Variants in SGTA observed in about 807,000 individuals in gnomAD.
The protein encoded by SGTA is small glutamine rich tetratricopeptide repeat co-chaperone alpha, also known as small glutamine-rich tetratricopeptide repeat-containing protein alpha.
A neutral mutation model predicts 44.3 loss-of-function variants in SGTA; 22 were observed. That is an observed-to-expected ratio of 0.50 (90% CI 0.36 to 0.71). The LOEUF is 0.71. Ranked by LOEUF, SGTA falls within the 30% of genes least tolerant of loss-of-function variation. The probability of loss-of-function intolerance (pLI) is 0.00; values close to 1 mark genes in which losing one functional copy is unlikely to be tolerated. For synonymous variants in SGTA, 174 were observed against 177.6 expected (o/e 0.98, Z 0.16); for missense variants, 341 against 435.9 (o/e 0.78, Z 1.94).
At chr19:2,771,579 G>C (rs1411335229) in intron 1 of SGTA, among the ~76,000 whole-genome samples, 1 of 151,808 alleles carries the variant, frequency 6.6e-6, no homozygotes, top group South Asian at 2.1e-4. Context: ...CCCCATCGGG[G>C]GGGGGGGGAG....
intron 10 of SGTA, 93 bp from the exon 11 acceptor site, chr19:2,757,550 A>G (rs573243742): frequency 3.9e-6 from 6 of 1,528,236 alleles, no homozygotes; most frequent in Non-Finnish European, 5.3e-6. Flanking sequence ...CCTCCACCCC[A>G]AAGACAGGCC....
chr19:2,779,049 C>A (rs1235008759), intron 1 of SGTA, among the ~76,000 whole-genome samples: 1 of 152,302 alleles, frequency 6.6e-6, no homozygotes, highest in South Asian at 2.1e-4. Context: ...CTGGCTCCCC[C>A]CACTGCACAC....
At chr19:2,780,783 C>T (rs945531461) in intron 1 of SGTA, among the ~76,000 whole-genome samples, 2 of 152,194 alleles carry the variant, frequency 1.3e-5, no homozygotes, top group Non-Finnish European at 2.9e-5. Flanking sequence ...TCTCTGTTTC[C>T]ACCTCAGTAA....
At chr19:2,756,404 C>T (rs1191307692) in intron 11 of SGTA, among the ~76,000 whole-genome samples, 5 of 148,444 alleles carry the variant, frequency 3.4e-5, no homozygotes, top group Non-Finnish European at 4.4e-5. Flanking sequence ...TGCAGTGAGA[C>T]GTGACTGCAC....
chr19:2,773,572 A>T lies in SGTA; in HGVS notation c.-23-4481T>A, dbSNP rs374931700. ...GGTGACGCGGCCACACGGCAGGGAC[A>T]CCGAGGGCAGAGGTGGGTGACACGG... On this transcript the variant is annotated intron_variant, in intron 1 of 11. Coordinates refer to ENST00000221566, the MANE Select transcript of SGTA (RefSeq NM_003021.4). Among the ~76,000 whole-genome samples, 9 of 21,824 alleles carry T rather than the reference A, an allele frequency of 4.1e-4. No individual in the cohort carries two copies. In the African/African-American group the frequency reaches 4.7e-3, roughly 11 times the overall value. 14.3% of individuals were successfully genotyped at this position (21,824 alleles called of 152,430 possible). A position where few individuals can be genotyped will look rare whatever the true frequency, so the allele number is the denominator to read the frequency against.
chr19:2,760,759 G>A (rs1914966807), intron 8 of SGTA, among the ~76,000 whole-genome samples: 1 of 152,120 alleles, frequency 6.6e-6, no homozygotes. Flanking sequence ...CTGCTGAATG[G>A]CACGACCCGG....
intron 1 of SGTA, among the ~76,000 whole-genome samples, chr19:2,778,904 T>G (rs1915506674): frequency 6.6e-6 from 1 of 152,228 alleles, no homozygotes. Flanking sequence ...AGAAGTTTAT[T>G]CTGCTGTCCA....
chr19:2,768,521 GC>G (rs1915213026), intron 2 of SGTA, among the ~76,000 whole-genome samples: 1 of 152,188 alleles, frequency 6.6e-6, no homozygotes, highest in Non-Finnish European at 1.5e-5. Context: ...AGAAGCGCAA[GC>G]AAGACCAGCC....
In SGTA at chr19:2,755,568, T is replaced by C. The variant is rs550050328; in HGVS notation, c.*372A>G. On this transcript the variant is annotated 3_prime_UTR_variant, in exon 12 of 12. Coordinates refer to ENST00000221566, the MANE Select transcript of SGTA (RefSeq NM_003021.4). The surrounding 1 kb of genome is among the most constrained non-coding windows in gnomAD (Gnocchi z 5.2). ...GGGGGGCGGGGGCTGTAAAAGGCTT[T>C]GGAAGCCACACGATCCGCCACACGG... is the stretch of plus-strand genomic sequence containing the variant. The C allele has an allele frequency of 9.1e-6, 9 of 985,826 alleles. No homozygotes were observed. Among genetic ancestry groups the C allele is most frequent in the South Asian group, 4.7e-5 (1 of 21,294 alleles). The allele number at this position is 985,826 out of a possible 1,614,324, so 61.1% of individuals were successfully genotyped here. A position where few individuals can be genotyped will look rare whatever the true frequency, so the allele number is the denominator to read the frequency against.
Position 2,761,461 on chromosome 19 carries a change from A to G in SGTA, c.698T>C (p.Met233Thr). The G allele has an allele frequency of 6.4e-7, 1 of 1,551,536 alleles. No homozygotes were observed. Among genetic ancestry groups the G allele is most frequent in the Non-Finnish European group, 8.7e-7 (1 of 1,146,888 alleles). The change falls in exon 8 of 12, where the codon ATG becomes ACG. Residue 233 changes from methionine to threonine, a missense_variant and splice_region_variant. By Grantham distance (81) the Met-to-Thr change is moderately conservative. Coordinates refer to ENST00000221566, the MANE Select transcript of SGTA (RefSeq NM_003021.4). This position sits in a 1 kb window ranked among gnomAD's most constrained non-coding sequence, Gnocchi z 5.7. ...GLLNNPGFMS[M>T]ASNLMNNPQI... Reference sequence around the variant, plus strand: ...CAGGGAGGAGGGGCGGGCCGTTACCATGCTCATGAAGCCAGGGTTGTTCAG... The same window carrying G: ...CAGGGAGGAGGGGCGGGCCGTTACCGTGCTCATGAAGCCAGGGTTGTTCAG...
chr19:2,760,848 G>A (rs751995498), intron 8 of SGTA, among the ~76,000 whole-genome samples: 3 of 152,200 alleles, frequency 2.0e-5, no homozygotes, highest in Non-Finnish European at 4.4e-5. Context: ...AGCCTTAGGC[G>A]AGTCCCTGTA....
At chr19:2,775,078 G>C (rs1306490047) in intron 1 of SGTA, among the ~76,000 whole-genome samples, 1 of 152,234 alleles carries the variant, frequency 6.6e-6, no homozygotes, top group Non-Finnish European at 1.5e-5. Context: ...GACTAGAAGA[G>C]GAGGACCTGA....
At chr19:2,772,539 T>G (rs989868097) in intron 1 of SGTA, among the ~76,000 whole-genome samples, 6 of 152,184 alleles carry the variant, frequency 3.9e-5, no homozygotes, top group Non-Finnish European at 8.8e-5. Flanking sequence ...AATACTGTCG[T>G]GTGCTGAACT....
rs542976430 is a variant in SGTA at position 2,761,701 on chromosome 19, G to A, written c.637-179C>T. Among the ~76,000 whole-genome samples the A allele has an allele frequency of 2.6e-4, 39 of 152,108 alleles. No homozygotes were observed. The highest frequency in any genetic ancestry group is 8.2e-4 in the African/African-American group (34 of 41,420). The stretch of plus-strand genomic sequence containing the variant: ...ATCGCAACCGCCCGGGGACGGCACA[G>A]TCTGTCATCCCGTGTTTATTCCCCG... On this transcript the variant is annotated intron_variant, in intron 7 of 11. Transcript: ENST00000221566. This position sits in a 1 kb window ranked among gnomAD's most constrained non-coding sequence, Gnocchi z 5.7.
At chr19:2,779,066 C>T (rs938852829) in intron 1 of SGTA, among the ~76,000 whole-genome samples, 12 of 152,186 alleles carry the variant, frequency 7.9e-5, no homozygotes, top group African/African-American at 2.7e-4. Flanking sequence ...ACACCAGAAA[C>T]ACTCTCCAGT....
Position 2,767,629 on chromosome 19 carries a change from G to A in SGTA, c.158C>T (p.Ala53Val), listed in dbSNP as rs780242378. Reference protein sequence around the residue: ...FGVTVEDSDLALPQTLPEIFE... With the variant: ...FGVTVEDSDLVLPQTLPEIFE... ...TATCTCCGGCAGAGTCTGAGGGAGCGCAAGGTCACTGTCTTCTACCGTCAC... is the reference window on the plus strand; with the variant it reads ...TATCTCCGGCAGAGTCTGAGGGAGCACAAGGTCACTGTCTTCTACCGTCAC... The change falls in exon 3 of 12, where the codon GCG becomes GTG. Residue 53 changes from alanine to valine, a missense_variant. By Grantham distance (64) the Ala-to-Val change is moderately conservative. Coordinates refer to ENST00000221566, the MANE Select transcript of SGTA (RefSeq NM_003021.4). This position sits in a 1 kb window ranked among gnomAD's most constrained non-coding sequence, Gnocchi z 7.3. The A allele has an allele frequency of 2.5e-6, 4 of 1,613,560 alleles. No homozygotes were observed. The highest frequency in any genetic ancestry group is 1.3e-5 in the African/African-American group (1 of 74,926).
At chr19:2,779,922 T>TA (rs928710469) in intron 1 of SGTA, among the ~76,000 whole-genome samples, 113 of 144,272 alleles carry the variant, frequency 7.8e-4, no homozygotes, top group East Asian at 1.0e-3. Context: ...AAAGAGACTC[T>TA]AAAAAAAAAA....
At chr19:2,769,879 C>G (rs1258796743) in intron 1 of SGTA, among the ~76,000 whole-genome samples, 14 of 131,988 alleles carry the variant, frequency 1.1e-4, no homozygotes, top group East Asian at 9.7e-4. Flanking sequence ...GGTTCCCCCA[C>G]CGGACACCCT....
Position 2,755,397 on chromosome 19 carries a change from T to C in SGTA, c.*543A>G. On this transcript the variant is annotated 3_prime_UTR_variant, in exon 12 of 12. Coordinates refer to ENST00000221566, the MANE Select transcript of SGTA (RefSeq NM_003021.4). The surrounding 1 kb of genome is among the most constrained non-coding windows in gnomAD (Gnocchi z 5.2). ...TAGGTGTCTGCCACTAAAGAGTTCC[T>C]CATGCAAACACACATGGCCCGCGGT... is the stretch of plus-strand genomic sequence containing the variant. The C allele has an allele frequency of 1.0e-6, 1 of 987,650 alleles. No individual in the cohort carries two copies. 61.2% of individuals were successfully genotyped at this position (987,650 alleles called of 1,614,324 possible).
Sources: gnomAD v4.1 joint callset for allele counts (sites outside exome capture counted in the v4.1 genomes callset) on GRCh38, gnomAD v4.1.1 for gene constraint, Gnocchi (gnomAD v3.1) non-coding constraint, MANE v1.5 for transcripts, NCBI Gene and HGNC (gene_info 2026-07-23, HGNC 2026-07-21) for gene names.